Variants in ZNF804B observed in about 807,000 individuals in gnomAD.
ZNF804B encodes zinc finger protein 804B, also known as zinc finger 804B.
Under a neutral mutation model 101.4 loss-of-function variants are expected in ZNF804B, and 80 were observed. The observed-to-expected ratio is 0.79, with a 90% confidence interval of 0.66 to 0.95. The LOEUF is 0.95. Among genes scored for constraint, ZNF804B ranks in the 40% least tolerant of loss-of-function variants. The pLI is 0.00. For missense variants in ZNF804B, 1,673 were observed against 1,561.9 expected (o/e 1.07, Z -1.20); for synonymous variants, 622 against 558.8 (o/e 1.11, Z -1.59).
At chr7:89,067,165 G>A (rs1789466720) in intron 1 of ZNF804B, among the ~76,000 whole-genome samples, 1 of 152,086 alleles carries the variant, frequency 6.6e-6, no homozygotes, top group African/African-American at 2.4e-5. Flanking sequence ...AAAGAAACAT[G>A]TATTATAAGG....
chr7:89,333,589 G>T lies in ZNF804B; in HGVS notation c.607G>T (p.Val203Leu). The T allele has an allele frequency of 6.2e-7, 1 of 1,613,504 alleles. No homozygotes were observed. The highest frequency in any genetic ancestry group is 8.5e-7 in the Non-Finnish European group (1 of 1,179,698). The change falls in exon 4 of 4, where the codon GTA (valine) becomes TTA (leucine). Residue 203 changes from valine to leucine, a missense_variant. By Grantham distance (32) the Val-to-Leu change is conservative. Transcript: ENST00000333190. The stretch of plus-strand genomic sequence containing the variant: ...CAGGCGTTGTTTGTTTGGAAATCAG[G>T]TACTGCAAACATCTTCAGATCTCAG... The part of the protein sequence containing the change: ...SDRRCLFGNQ[V>L]LQTSSDLSNA...
intron 1 of ZNF804B, among the ~76,000 whole-genome samples, chr7:88,869,675 A>C (rs1028509511): frequency 1.3e-5 from 2 of 152,198 alleles, no homozygotes; most frequent in African/African-American, 4.8e-5. Context: ...AGCCTCCTTT[A>C]AATATACTTT....
At chr7:89,075,823 G>A (rs1789608746) in intron 1 of ZNF804B, among the ~76,000 whole-genome samples, 1 of 152,214 alleles carries the variant, frequency 6.6e-6, no homozygotes, top group Non-Finnish European at 1.5e-5. Context: ...ACAGCCATGG[G>A]GCAAAGGTGC....
chr7:88,785,159 A>G (rs928394513), intron 1 of ZNF804B, among the ~76,000 whole-genome samples: 1 of 152,142 alleles, frequency 6.6e-6, no homozygotes, highest in Non-Finnish European at 1.5e-5. Flanking sequence ...CAAATTCGGC[A>G]TGTTCAAAAC....
rs989331135 is a variant in ZNF804B at position 89,333,879 on chromosome 7, C to G, written c.897C>G (p.Asn299Lys). The change falls in exon 4 of 4, where the codon AAC (asparagine) becomes AAG (lysine). Residue 299 changes from asparagine to lysine, a missense_variant. Asn to Lys is a moderately conservative substitution (Grantham distance 94, BLOSUM62 0). Transcript: ENST00000333190. Reference protein sequence around the residue: ...ESVLHNTISINSKILQDKHDS... With the variant: ...ESVLHNTISIKSKILQDKHDS... ...TTTTACACAATACCATCTCCATAAA[C>G]TCTAAAATTTTGCAAGACAAACACG... The G allele has an allele frequency of 6.2e-7, 1 of 1,610,856 alleles. No homozygotes were observed. The highest frequency in any genetic ancestry group is 1.1e-5 in the South Asian group (1 of 90,968).
At chr7:89,303,139 T>C (rs980873548) in intron 2 of ZNF804B, among the ~76,000 whole-genome samples, 1 of 151,826 alleles carries the variant, frequency 6.6e-6, no homozygotes. Flanking sequence ...ATTGAGATCT[T>C]CTTCTAGTAA....
At chr7:88,996,382 A>G (rs923254725) in intron 1 of ZNF804B, among the ~76,000 whole-genome samples, 2 of 151,964 alleles carry the variant, frequency 1.3e-5, no homozygotes, top group Admixed American at 6.6e-5. Context: ...CAACTACTCC[A>G]TTGTTCTTCT....
intron 1 of ZNF804B, among the ~76,000 whole-genome samples, chr7:88,870,436 C>T (rs371553695): frequency 7.3e-5 from 11 of 150,630 alleles, no homozygotes; most frequent in African/African-American, 9.8e-5. Context: ...AGCCACTTCC[C>T]GGTTGTCTTA....
intron 2 of ZNF804B, among the ~76,000 whole-genome samples, chr7:89,265,315 T>G (rs1474069862): frequency 3.1e-5 from 4 of 129,088 alleles, no homozygotes; most frequent in Admixed American, 1.6e-4. Context: ...CGCGCACACA[T>G]GCACGTGCAC....
chr7:88,906,060 C>T, intron 1 of ZNF804B, among the ~76,000 whole-genome samples: 1 of 151,734 alleles, frequency 6.6e-6, no homozygotes. Flanking sequence ...TGATTTGTTG[C>T]ATATAGAATT....
rs1003965867 is a variant in ZNF804B, at chr7:89,333,833, C to T, written c.851C>T (p.Ser284Leu). ...ACCAAGGAAAAAGAGGTAAATATCT[C>T]ACCAAGCCATCTGGAAAGTGTTTTA... is the stretch of plus-strand genomic sequence containing the variant. ...HLTKEKEVNI[S>L]PSHLESVLHN... The change falls in exon 4 of 4, where the codon TCA (serine) becomes TTA (leucine). Residue 284 changes from serine to leucine, a missense_variant. Physicochemically the swap from Ser to Leu is moderately radical, Grantham distance 145 (BLOSUM62 -2). Coordinates refer to ENST00000333190, the MANE Select transcript of ZNF804B (RefSeq NM_181646.5). 4.3e-6 allele frequency: 7 copies of T among 1,613,174 alleles called. No homozygotes were observed. The highest frequency in any genetic ancestry group is 1.7e-5 in the Admixed American group (1 of 59,850).
At chr7:88,821,633 G>A (rs977914169) in intron 1 of ZNF804B, among the ~76,000 whole-genome samples, 1 of 152,088 alleles carries the variant, frequency 6.6e-6, no homozygotes, top group Non-Finnish European at 1.5e-5. Flanking sequence ...TACTTCTGAA[G>A]GAGAAATACC....
At chr7:89,169,405 C>T (rs12704441) in intron 1 of ZNF804B, among the ~76,000 whole-genome samples, 31,195 of 152,134 alleles carry the variant, frequency 0.21, 3,414 homozygotes, top group Middle Eastern at 0.4. Context: ...TTCTTTACCT[C>T]CTGCTTTTAG....
rs1791066495 is a variant in ZNF804B, at chr7:89,335,568, G to A, written c.2586G>A (p.Met862Ile). ...TGGACTCTTACTCAATAGAGAAAAT[G>A]TATTACTTGAATAAAAGCAAGAGAA... ...DRLDSYSIEK[M>I]YYLNKSKRNQ... The change falls in exon 4 of 4, where the codon ATG (methionine) becomes ATA (isoleucine). Residue 862 changes from methionine to isoleucine, a missense_variant. Coordinates refer to ENST00000333190, the MANE Select transcript of ZNF804B (RefSeq NM_181646.5). 1.2e-6 allele frequency: 2 copies of A among 1,613,882 alleles called. No homozygotes were observed. The highest frequency in any genetic ancestry group is 1.1e-5 in the South Asian group (1 of 91,078).
chr7:89,077,848 A>C (rs556660724), intron 1 of ZNF804B, among the ~76,000 whole-genome samples: 1 of 152,262 alleles, frequency 6.6e-6, no homozygotes, highest in Non-Finnish European at 1.5e-5. Context: ...AAATACCTAA[A>C]GTGCTATTCA....
chr7:89,113,841 C>A (rs1223087072), intron 1 of ZNF804B, among the ~76,000 whole-genome samples: 2 of 151,686 alleles, frequency 1.3e-5, no homozygotes, highest in African/African-American at 2.4e-5. Flanking sequence ...CCTAGCTATT[C>A]AGGAGGCTGA....
intron 1 of ZNF804B, among the ~76,000 whole-genome samples, chr7:88,809,822 T>G (rs892105523): frequency 2.6e-5 from 4 of 152,162 alleles, no homozygotes; most frequent in African/African-American, 7.2e-5. Flanking sequence ...TCCCAGTCTT[T>G]CAGCACAGTT....
At chr7:89,304,516 G>T (rs1461264937) in intron 2 of ZNF804B, among the ~76,000 whole-genome samples, 2 of 146,504 alleles carry the variant, frequency 1.4e-5, no homozygotes. Flanking sequence ...AGGATGTGTG[G>T]GTATGTGTGT....
chr7:88,773,164 A>C (rs1790093839), intron 1 of ZNF804B, among the ~76,000 whole-genome samples: 2 of 152,182 alleles, frequency 1.3e-5, no homozygotes, highest in South Asian at 4.1e-4. Context: ...TTTATGAAAA[A>C]TGTTAAAGTG....
Sources: allele counts gnomAD v4.1 joint callset (sites outside exome capture counted in the v4.1 genomes callset), GRCh38; gene constraint gnomAD v4.1.1; transcripts MANE v1.5; gene names NCBI Gene and HGNC (gene_info 2026-07-23, HGNC 2026-07-21).